Variants in DGKB observed in about 807,000 individuals in gnomAD.
DGKB encodes 90 kDa diacylglycerol kinase.
Under a neutral mutation model 114.3 loss-of-function variants are expected in DGKB, and 67 were observed. The observed-to-expected ratio is 0.59, with a 90% CI of 0.48 to 0.72. DGKB has a LOEUF of 0.72. Among genes scored for constraint, DGKB ranks in the 30% least tolerant of loss-of-function variants. The pLI, the probability that DGKB is intolerant of heterozygous loss-of-function variation, is 0.00. For synonymous variants in DGKB, 398 were observed against 323.1 expected (o/e 1.23, Z -2.49); for missense variants, 907 against 975.2 (o/e 0.93, Z 0.93).
At chr7:14,693,315 T>C (rs1247531369) in intron 9 of DGKB, among the ~76,000 whole-genome samples, 3 of 152,262 alleles carry the variant, frequency 2.0e-5, no homozygotes, top group East Asian at 1.9e-4. Context: ...GCATACACTA[T>C]AGATTTCATC....
chr7:14,950,336 G>A (rs11981995), intron 1 of DGKB, among the ~76,000 whole-genome samples: 4,932 of 151,662 alleles, frequency 0.033, 262 homozygotes, highest in African/African-American at 0.11. Flanking sequence ...CTAAATTTTC[G>A]GCTTAGTCTC....
chr7:14,555,649 T>C lies in DGKB; in HGVS notation c.1770+18563A>G, dbSNP rs368104024. Among the ~76,000 whole-genome samples the C allele has an allele frequency of 2.5e-3, 380 of 152,166 alleles. 6 individuals are homozygous for C. The highest frequency in any genetic ancestry group is 8.8e-3 in the African/African-American group (365 of 41,518). ...CCTACTGGGCTGCATTCTCAGACAG[T>C]TAAGAAATTCTAAGTCACAGAATGA... On this transcript the variant is annotated intron_variant, in intron 20 of 25. Transcript: ENST00000402815.
At chr7:14,784,075 A>G (rs28379500) in intron 2 of DGKB, among the ~76,000 whole-genome samples, 56 of 152,310 alleles carry the variant, frequency 3.7e-4, no homozygotes, top group African/African-American at 1.3e-3. Context: ...TAATTTTTTA[A>G]ACATGAATCT....
At chr7:14,417,716 T>G (rs994349143) in intron 21 of DGKB, among the ~76,000 whole-genome samples, 4 of 151,894 alleles carry the variant, frequency 2.6e-5, no homozygotes, top group African/African-American at 9.7e-5. Context: ...TTTTTTAACT[T>G]GTACAGTATA....
chr7:14,778,828 T>A (rs1017102663), intron 2 of DGKB, among the ~76,000 whole-genome samples: 1 of 152,198 alleles, frequency 6.6e-6, no homozygotes, highest in African/African-American at 2.4e-5. Context: ...AAAATATTTC[T>A]TTTTATTTTT....
At chr7:14,363,183 C>G (rs1453280691) in intron 21 of DGKB, among the ~76,000 whole-genome samples, 2 of 152,096 alleles carry the variant, frequency 1.3e-5, no homozygotes, top group African/African-American at 4.8e-5. Context: ...ATATGAGAAA[C>G]AGTAACTTAT....
At chr7:14,387,976 T>C (rs778294524) in intron 21 of DGKB, among the ~76,000 whole-genome samples, 3 of 150,762 alleles carry the variant, frequency 2.0e-5, no homozygotes, top group Non-Finnish European at 4.4e-5. Context: ...ACCCCCCGGG[T>C]TAAAGTGATT....
At position 14,183,934 on chromosome 7, in the gene DGKB, G is replaced by C. The variant is rs545648838; in HGVS notation, c.2123-5783C>G. On this transcript the variant is annotated intron_variant, in intron 23 of 25. Transcript: ENST00000402815. ...GCTCTGACGGAAGTGGACTGCTCCT[G>C]CGGAGCCTGGGAGACCCCCCAAATA... 5.9e-5 allele frequency among the ~76,000 whole-genome samples: 9 copies of C among 152,288 alleles called. No homozygotes were observed. The South Asian group carries it at 1.9e-3, about 32-fold the overall frequency.
intron 21 of DGKB, among the ~76,000 whole-genome samples, chr7:14,473,050 A>G (rs529385846): frequency 6.6e-5 from 10 of 152,314 alleles, no homozygotes; most frequent in South Asian, 2.1e-4. Flanking sequence ...AGGCTGCAGA[A>G]GTTTGCATAA....
chr7:14,398,800 A>AAG (rs1396090118), intron 21 of DGKB, among the ~76,000 whole-genome samples: 1 of 151,432 alleles, frequency 6.6e-6, no homozygotes, highest in East Asian at 1.9e-4. Flanking sequence ...GACTAAAAAA[A>AAG]AAAAGTTGCA....
chr7:14,394,929 A>G (rs936224459), intron 21 of DGKB, among the ~76,000 whole-genome samples: 2 of 152,138 alleles, frequency 1.3e-5, no homozygotes, highest in African/African-American at 4.8e-5. Context: ...TTTGCTCAGT[A>G]GGGTCAACTT....
intron 1 of DGKB, among the ~76,000 whole-genome samples, chr7:14,869,660 A>C (rs1852179266): frequency 6.6e-6 from 1 of 152,202 alleles, no homozygotes; most frequent in Non-Finnish European, 1.5e-5. Context: ...AAAATAGACC[A>C]TTAATAGGGA....
At chr7:14,950,111 A>G (rs1485708753) in intron 1 of DGKB, among the ~76,000 whole-genome samples, 1 of 151,966 alleles carries the variant, frequency 6.6e-6, no homozygotes, top group Non-Finnish European at 1.5e-5. Flanking sequence ...ATAATAAAAA[A>G]AAAGAAAAAA....
chr7:14,391,885 T>G (rs1305094923), intron 21 of DGKB, among the ~76,000 whole-genome samples: 1 of 152,204 alleles, frequency 6.6e-6, no homozygotes, highest in Non-Finnish European at 1.5e-5. Flanking sequence ...ACTTTACTAA[T>G]CATATGAAAT....
At chr7:14,931,639 G>A (rs960945366) in intron 1 of DGKB, among the ~76,000 whole-genome samples, 1 of 152,118 alleles carries the variant, frequency 6.6e-6, no homozygotes, top group Non-Finnish European at 1.5e-5. Context: ...TTGGCTGGAG[G>A]GAGTGGAACT....
At chr7:14,175,496 T>C (rs909692935) in intron 25 of DGKB, among the ~76,000 whole-genome samples, 3 of 152,186 alleles carry the variant, frequency 2.0e-5, no homozygotes, top group African/African-American at 7.2e-5. Context: ...GAATATAGCT[T>C]ACATTCATCC....
intron 23 of DGKB, among the ~76,000 whole-genome samples, chr7:14,264,180 T>C (rs1305171680): frequency 2.6e-5 from 4 of 152,176 alleles, no homozygotes; most frequent in Non-Finnish European, 5.9e-5. Context: ...TGACAGTGGA[T>C]TGACTGTTAT....
At chr7:14,516,196 T>A (rs144160066) in intron 20 of DGKB, among the ~76,000 whole-genome samples, 2 of 152,182 alleles carry the variant, frequency 1.3e-5, no homozygotes, top group Admixed American at 6.5e-5. Context: ...AACTAAACAA[T>A]GTATTACTCT....
Position 14,922,630 on chromosome 7 carries a change from C to T in DGKB, c.-188+52066G>A, listed in dbSNP as rs138039949. On this transcript the variant is annotated intron_variant, in intron 1 of 4. Transcript: ENST00000437998. ...CTTGCTTCATTTCAGCATGGTGTAGCCAAGAACATCCTAAGTTGTTAGCTA... is the reference window on the plus strand; with the variant it reads ...CTTGCTTCATTTCAGCATGGTGTAGTCAAGAACATCCTAAGTTGTTAGCTA... 3.0e-3 allele frequency among the ~76,000 whole-genome samples: 451 copies of T among 152,044 alleles called. 1 individual carries two copies. The highest frequency in any genetic ancestry group is 6.8e-3 in the Middle Eastern group (2 of 294).
Sources: allele counts gnomAD v4.1 joint callset (sites outside exome capture counted in the v4.1 genomes callset), GRCh38; gene constraint gnomAD v4.1.1; transcripts MANE v1.5; gene names NCBI Gene and HGNC (gene_info 2026-07-23, HGNC 2026-07-21).